Variants in SIRT2 observed in about 807,000 individuals in gnomAD.
SIRT2 encodes the protein NAD-dependent protein deacetylase sirtuin-2.
SIRT2 carries 40 observed loss-of-function variants against 57.4 expected under a neutral mutation model. The ratio of observed to expected loss-of-function variants is 0.70; its 90% CI spans 0.54 to 0.91. SIRT2 has a LOEUF of 0.91. Among genes scored for constraint, SIRT2 ranks in the 40% least tolerant of loss-of-function variants. SIRT2 has a pLI of 0.00. For missense variants in SIRT2, 439 were observed against 510.4 expected (o/e 0.86, Z 1.35); for synonymous variants, 161 against 195.7 (o/e 0.82, Z 1.48).
intron 8 of SIRT2, among the ~76,000 whole-genome samples, chr19:38,885,384 C>T (rs985114407): frequency 2.0e-5 from 3 of 151,830 alleles, no homozygotes; most frequent in African/African-American, 7.2e-5. Flanking sequence ...GGATTACAGG[C>T]GTGAGACACC....
chr19:38,894,936 G>GC, intron 2 of SIRT2: 1 of 455,844 alleles, frequency 2.2e-6, no homozygotes, highest in Non-Finnish European at 4.4e-6. Flanking sequence ...TGCCCTAGGT[G>GC]CCCCCCAGCC....
At chr19:38,884,896 C>T (rs1973277280) in intron 8 of SIRT2, among the ~76,000 whole-genome samples, 1 of 149,168 alleles carries the variant, frequency 6.7e-6, no homozygotes, top group South Asian at 2.1e-4. Context: ...TTAAAATTTT[C>T]TGTAGAGATG....
intron 2 of SIRT2, chr19:38,894,463 G>T: frequency 4.5e-6 from 1 of 221,850 alleles, no homozygotes; most frequent in Non-Finnish European, 9.0e-6. Context: ...GGGAGCTTGG[G>T]TGCTGGGCGC....
At position 38,878,761 on chromosome 19, in the gene SIRT2, T is replaced by G; in HGVS notation, c.*394A>C. The stretch of plus-strand genomic sequence containing the variant: ...AGGCCCACACCCACACTGGGGTAGG[T>G]TAGGTATGGTTTACTTAGCCACAGG... On this transcript the variant is annotated 3_prime_UTR_variant, in exon 16 of 16. Coordinates refer to ENST00000249396, the MANE Select transcript of SIRT2 (RefSeq NM_012237.4). The G allele has an allele frequency of 1.2e-5, 2 of 168,382 alleles. No individual in the cohort carries two copies. The highest frequency in any genetic ancestry group is 6.4e-5 in the Admixed American group (1 of 15,550). 10.4% of individuals were successfully genotyped at this position (168,382 alleles called of 1,614,324 possible).
intron 8 of SIRT2, among the ~76,000 whole-genome samples, chr19:38,887,852 C>T (rs911631146): frequency 2.0e-5 from 3 of 152,114 alleles, no homozygotes; most frequent in African/African-American, 7.2e-5. Flanking sequence ...CTCTGCCTCC[C>T]AGGTTCAAGC....
chr19:38,899,447 T>C, intron 1 of SIRT2, 59 bp downstream of exon 1: 1 of 1,604,304 alleles, frequency 6.2e-7, no homozygotes, highest in Non-Finnish European at 8.5e-7. Flanking sequence ...CCCCGGGGCC[T>C]GCAGCATTCA....
intron 7 of SIRT2, chr19:38,889,393 A>T: frequency 5.7e-6 from 4 of 701,624 alleles, no homozygotes; most frequent in Non-Finnish European, 1.1e-5. Flanking sequence ...TGAGATTCAC[A>T]CCCAGGCAGC....
Position 38,879,117 on chromosome 19 carries a change from CCT to C in SIRT2, c.*36_*37del. The C allele has an allele frequency of 6.5e-7, 1 of 1,535,456 alleles. No individual in the cohort carries two copies. The highest frequency in any genetic ancestry group is 8.7e-7 in the Non-Finnish European group (1 of 1,147,946). ...CAGGCCCGGTTGGGGCTCAGCTGTC[CCT>C]GAGGAGCTCGGCATCCCGCCTGGGA... is the stretch of plus-strand genomic sequence containing the variant. On this transcript the variant is annotated 3_prime_UTR_variant, in exon 16 of 16. Coordinates refer to ENST00000249396, the MANE Select transcript of SIRT2 (RefSeq NM_012237.4).
At chr19:38,888,961 A>C in intron 8 of SIRT2, 126 bp downstream of exon 8, 1 of 803,222 alleles carries the variant, frequency 1.2e-6, no homozygotes, top group Non-Finnish European at 2.1e-6. Context: ...CAGTAGGCCA[A>C]GCCCTGGCCC....
intron 9 of SIRT2, 110 bp from the exon 10 acceptor site, chr19:38,881,601 T>A: frequency 1.2e-6 from 1 of 826,438 alleles, no homozygotes; most frequent in Non-Finnish European, 2.0e-6. Flanking sequence ...CACACCTCCA[T>A]CACTTGGAGT....
chr19:38,881,715 T>G (rs10405371), intron 9 of SIRT2, among the ~76,000 whole-genome samples: 9,238 of 151,506 alleles, frequency 0.061, 891 homozygotes, highest in African/African-American at 0.2. Flanking sequence ...TGAGATAAGG[T>G]CTCACTCTGT....
At position 38,879,167 on chromosome 19, in the gene SIRT2, C is replaced by T. The variant is rs1268438104; in HGVS notation, c.1158G>A (p.Glu386=). ...AKDEARTTER[E]KPQ ...GGAGATGCAGCTGTCACTGGGGTTT[C>T]TCCCTCTCTGTTGTCCTGGCCTCGT... Residue 386 remains glutamate, a synonymous_variant, in exon 16 of 16, where the codon GAG becomes GAA. Coordinates refer to ENST00000249396, the MANE Select transcript of SIRT2 (RefSeq NM_012237.4). The T allele has an allele frequency of 2.5e-6, 4 of 1,573,754 alleles. No homozygotes were observed. Among genetic ancestry groups the T allele is most frequent in the Non-Finnish European group, 3.4e-6 (4 of 1,166,878 alleles).
Position 38,889,406 on chromosome 19 carries a change from G to C in SIRT2, c.433-251C>G, listed in dbSNP as rs372761064. The stretch of plus-strand genomic sequence containing the variant: ...GCTGAGATTCACACCCAGGCAGCCC[G>C]GCTGCAGGGTCCCGGGCTCTCAACG... On this transcript the variant is annotated intron_variant, in intron 7 of 15. Transcript: ENST00000249396. 17 of 696,260 alleles carry C rather than the reference G, an allele frequency of 2.4e-5. No homozygotes were observed. The African/African-American group carries it at 3.0e-4, about 12-fold the overall frequency. 43.1% of individuals were successfully genotyped at this position (696,260 alleles called of 1,614,324 possible).
rs575905800 is a variant in SIRT2, at chr19:38,897,242, G to A, written c.63+1137C>T. On this transcript the variant is annotated intron_variant, in intron 2 of 15. Coordinates refer to ENST00000249396, the MANE Select transcript of SIRT2 (RefSeq NM_012237.4). The stretch of plus-strand genomic sequence containing the variant: ...TAAGCCGTCAGTAAATGCTAACCAC[G>A]ACTATAACAAGCTGACCACCACCAG... Among the ~76,000 whole-genome samples, 44 of 152,238 alleles carry A rather than the reference G, an allele frequency of 2.9e-4. No homozygotes were observed. In the East Asian group the frequency reaches 6.6e-3, roughly 23 times the overall value.
intron 4 of SIRT2, among the ~76,000 whole-genome samples, chr19:38,892,199 C>G (rs1973560644): frequency 6.6e-6 from 1 of 152,024 alleles, no homozygotes. Flanking sequence ...TGTTCAAGAC[C>G]AGCCTGGGCA....
intron 2 of SIRT2, chr19:38,894,915 C>A (rs1973668930): frequency 2.2e-6 from 1 of 456,062 alleles, no homozygotes; most frequent in Non-Finnish European, 4.4e-6. Context: ...TCCCTGGCTT[C>A]CTGGACACCT....
chr19:38,889,526 G>C, intron 7 of SIRT2, 163 bp downstream of exon 7: 1 of 761,448 alleles, frequency 1.3e-6, no homozygotes, highest in East Asian at 2.7e-5. Context: ...AAGGTCGTAA[G>C]ATGAAGACAC....
intron 3 of SIRT2, 26 bp downstream of exon 3, chr19:38,893,793 C>T (rs200288083): frequency 1.0e-4 from 164 of 1,613,258 alleles, no homozygotes; most frequent in Non-Finnish European, 2.6e-5. Context: ...GAACCCTGCT[C>T]CCTGTCCCTC....
At position 38,881,459 on chromosome 19, in the gene SIRT2, C is replaced by T; in HGVS notation, c.664G>A (p.Glu222Lys). 2.5e-6 allele frequency: 4 copies of T among 1,614,062 alleles called. No homozygotes were observed. Among genetic ancestry groups the T allele is most frequent in the Non-Finnish European group, 3.4e-6 (4 of 1,179,988 alleles). ...GGCTTCACCAGGCTCTGACAGTCTT[C>T]ACACTTGGGCGTCACCTCAGAGAAG... ...KIFSEVTPKC[E>K]DCQSLVKPDI... Residue 222 changes from glutamate (E) to lysine (K), a missense_variant, in exon 10 of 16, where the codon GAA (glutamate) becomes AAA (lysine). Glu to Lys is a moderately conservative substitution (Grantham distance 56). Coordinates refer to ENST00000249396, the MANE Select transcript of SIRT2 (RefSeq NM_012237.4).
Sources: allele counts gnomAD v4.1 joint callset (sites outside exome capture counted in the v4.1 genomes callset), GRCh38; gene constraint gnomAD v4.1.1; transcripts MANE v1.5; gene names NCBI Gene and HGNC (gene_info 2026-07-23, HGNC 2026-07-21).